CSMD1: variants seen among roughly 807,000 people sequenced by gnomAD.
CSMD1 encodes the protein CUB and Sushi multiple domains 1.
Under a neutral mutation model 417.5 loss-of-function variants are expected in CSMD1, and 213 were observed. The observed-to-expected ratio is 0.51, with a 90% CI of 0.46 to 0.57. CSMD1 has a LOEUF of 0.57. Among genes scored for constraint, CSMD1 ranks in the 20% least tolerant of loss-of-function variants. The pLI, the probability that CSMD1 is intolerant of heterozygous loss-of-function variation, is 0.00. For synonymous variants in CSMD1, 2,862 were observed against 1,736.8 expected (o/e 1.65, Z -16.11); for missense variants, 6,923 against 4,529.7 (o/e 1.53, Z -15.17).
At chr8:3,587,522 T>A (rs1800657259) in intron 8 of CSMD1, among the ~76,000 whole-genome samples, 1 of 152,154 alleles carries the variant, frequency 6.6e-6, no homozygotes, top group Non-Finnish European at 1.5e-5. Flanking sequence ...AAATAGATGC[T>A]TTCCTTTCTT....
chr8:3,561,882 C>A (rs1473723599), intron 10 of CSMD1, among the ~76,000 whole-genome samples: 1 of 152,164 alleles, frequency 6.6e-6, no homozygotes, highest in Admixed American at 6.5e-5. Context: ...CTAGCATTCA[C>A]AGACAGAGGA....
intron 3 of CSMD1, among the ~76,000 whole-genome samples, chr8:4,034,392 GA>G (rs1797510734): frequency 6.6e-6 from 1 of 152,104 alleles, no homozygotes; most frequent in African/African-American, 2.4e-5. Flanking sequence ...AAATCTGTTT[GA>G]AAACACAACA....
intron 26 of CSMD1, among the ~76,000 whole-genome samples, chr8:3,275,265 C>G: frequency 6.6e-6 from 1 of 152,198 alleles, no homozygotes; most frequent in Non-Finnish European, 1.5e-5. Flanking sequence ...CCACCGCTCT[C>G]TTCTGGCTTG....
intron 1 of CSMD1, among the ~76,000 whole-genome samples, chr8:4,989,217 G>A (rs568216661): frequency 2.8e-4 from 42 of 152,138 alleles, no homozygotes; most frequent in African/African-American, 6.5e-4. Context: ...CAGTAGAGCC[G>A]AAACATCTAT....
intron 2 of CSMD1, among the ~76,000 whole-genome samples, chr8:4,565,607 C>A (rs1405454693): frequency 1.3e-5 from 2 of 151,626 alleles, no homozygotes; most frequent in Non-Finnish European, 2.9e-5. Context: ...TGCTTACAGG[C>A]ACCTGTAGTC....
chr8:4,671,178 T>C (rs76765603), intron 1 of CSMD1, among the ~76,000 whole-genome samples: 8 of 152,378 alleles, frequency 5.3e-5, no homozygotes, highest in African/African-American at 1.9e-4. Flanking sequence ...TGATGCTTAG[T>C]ATTCCATTCC....
At chr8:4,435,550 A>T (rs1798102523) in intron 2 of CSMD1, among the ~76,000 whole-genome samples, 1 of 152,058 alleles carries the variant, frequency 6.6e-6, no homozygotes, top group Non-Finnish European at 1.5e-5. Flanking sequence ...CACTCAAAAC[A>T]TTTTCCTATG....
intron 37 of CSMD1, among the ~76,000 whole-genome samples, chr8:3,170,613 T>G (rs1169239899): frequency 6.6e-6 from 1 of 152,222 alleles, no homozygotes; most frequent in African/African-American, 2.4e-5. Flanking sequence ...TTCTGTAGCA[T>G]GAGCTCCTAA....
At chr8:3,608,732 C>G (rs1254215509) in intron 8 of CSMD1, among the ~76,000 whole-genome samples, 2 of 149,118 alleles carry the variant, frequency 1.3e-5, no homozygotes, top group African/African-American at 5.0e-5. Flanking sequence ...CCACTGCACT[C>G]CAGCCTGGAC....
At chr8:4,186,007 C>A (rs1798655214) in intron 3 of CSMD1, among the ~76,000 whole-genome samples, 1 of 152,164 alleles carries the variant, frequency 6.6e-6, no homozygotes, top group Non-Finnish European at 1.5e-5. Flanking sequence ...TTGTTATGAT[C>A]TGATACATAC....
intron 2 of CSMD1, among the ~76,000 whole-genome samples, chr8:4,430,497 A>G (rs1410318018): frequency 2.6e-5 from 4 of 152,238 alleles, no homozygotes; most frequent in African/African-American, 9.6e-5. Flanking sequence ...AATTTGCACT[A>G]AACAAAAATT....
rs11288538 is a variant in CSMD1, at chr8:3,929,667, A to ATT, written c.818+68234_818+68235dup. On this transcript the variant is annotated intron_variant, in intron 5 of 69. Coordinates refer to ENST00000635120, the MANE Select transcript of CSMD1 (RefSeq NM_033225.6). ...ACATATTTGTATGAATAAAAATACTATTTTTTTTTTTTGAGATGGAGTTTC... is the reference window on the plus strand; with the variant it reads ...ACATATTTGTATGAATAAAAATACTATTTTTTTTTTTTTTGAGATGGAGTTTC... 4.7e-4 allele frequency among the ~76,000 whole-genome samples: 68 copies of ATT among 145,250 alleles called. 6 individuals carry two copies. Among genetic ancestry groups the ATT allele is most frequent in the African/African-American group, 1.4e-3 (54 of 39,138 alleles).
At chr8:3,437,036 T>C (rs1354763972) in intron 12 of CSMD1, among the ~76,000 whole-genome samples, 1 of 152,200 alleles carries the variant, frequency 6.6e-6, no homozygotes, top group Non-Finnish European at 1.5e-5. Context: ...ATTTAAAGTG[T>C]GGAGCTTAAT....
intron 1 of CSMD1, among the ~76,000 whole-genome samples, chr8:4,829,900 T>G (rs1800051464): frequency 6.6e-6 from 1 of 152,142 alleles, no homozygotes; most frequent in Non-Finnish European, 1.5e-5. Context: ...TCCTTATAGG[T>G]AATGCCACCG....
intron 1 of CSMD1, among the ~76,000 whole-genome samples, chr8:4,656,664 A>G (rs1278270148): frequency 6.6e-6 from 1 of 152,170 alleles, no homozygotes; most frequent in Non-Finnish European, 1.5e-5. Context: ...GAGATAGTCT[A>G]TCATCACCGA....
At chr8:4,641,497 A>C (rs1363760649) in intron 1 of CSMD1, among the ~76,000 whole-genome samples, 1 of 152,130 alleles carries the variant, frequency 6.6e-6, no homozygotes, top group African/African-American at 2.4e-5. Context: ...CTACATTTTC[A>C]CATATACTCT....
chr8:2,966,676 G>T lies in CSMD1; in HGVS notation c.8994C>A (p.Ser2998=). The change falls in exon 58 of 70, where the codon TCC becomes TCA. Residue 2998 remains serine (S), a synonymous_variant. Transcript: ENST00000635120. ...MIVSSDGILF[S]SSVIYACWEG... Reference sequence around the variant, plus strand: ...CCCAGCAGGCATAGATGACCGAGCTGGAGAACAGAATGCCATCACTACTGA... The same window carrying T: ...CCCAGCAGGCATAGATGACCGAGCTTGAGAACAGAATGCCATCACTACTGA... The T allele has an allele frequency of 1.2e-6, 2 of 1,613,804 alleles. No homozygotes were observed. The highest frequency in any genetic ancestry group is 1.7e-6 in the Non-Finnish European group (2 of 1,179,826).
chr8:4,936,218 AT>A (rs201824579), intron 1 of CSMD1, among the ~76,000 whole-genome samples: 1,651 of 152,308 alleles, frequency 0.011, 8 homozygotes, highest in Non-Finnish European at 0.017. Context: ...TATAATAAAG[AT>A]TAGTTAAAAT....
chr8:4,387,749 T>C (rs1803553269), intron 3 of CSMD1, among the ~76,000 whole-genome samples: 1 of 152,056 alleles, frequency 6.6e-6, no homozygotes, highest in African/African-American at 2.4e-5. Flanking sequence ...CTACAACATA[T>C]TCAAAAATCC....
Sources: gnomAD v4.1 joint callset for allele counts (sites outside exome capture counted in the v4.1 genomes callset) on GRCh38, gnomAD v4.1.1 for gene constraint, MANE v1.5 for transcripts, NCBI Gene and HGNC (gene_info 2026-07-23, HGNC 2026-07-21) for gene names.